The following CDH7 variants were observed in gnomAD, a reference collection of about 807,000 sequenced individuals.
CDH7 encodes cadherin 7, also known as cadherin-7.
CDH7 carries 25 observed loss-of-function variants against 71.8 expected under a neutral mutation model. The ratio of observed to expected loss-of-function variants is 0.35; its 90% CI spans 0.25 to 0.49. CDH7 has a LOEUF of 0.49. Ranked by LOEUF, CDH7 falls within the 20% of genes least tolerant of loss-of-function variation. The probability of loss-of-function intolerance (pLI) is 0.99; values close to 1 mark genes in which losing one functional copy is unlikely to be tolerated. For synonymous variants in CDH7, 381 were observed against 363.8 expected (o/e 1.05, Z -0.54); for missense variants, 862 against 974.6 (o/e 0.88, Z 1.54).
At chr18:65,813,356 A>C (rs1911610091) in intron 3 of CDH7, among the ~76,000 whole-genome samples, 1 of 152,170 alleles carries the variant, frequency 6.6e-6, no homozygotes, top group Admixed American at 6.5e-5. Context: ...AAATAAAATA[A>C]AAACTTCAGG....
At chr18:65,867,894 T>C (rs1195998992) in intron 11 of CDH7, among the ~76,000 whole-genome samples, 2 of 152,244 alleles carry the variant, frequency 1.3e-5, no homozygotes, top group Non-Finnish European at 2.9e-5. Context: ...ATGTCTATGA[T>C]GGTCAGCTTG....
At position 65,881,127 on chromosome 18, in the gene CDH7, G is replaced by T; in HGVS notation, c.*233G>T. On this transcript the variant is annotated 3_prime_UTR_variant, in exon 12 of 12. Transcript: ENST00000397968. ...TGACCACAGACTCTGAGCATTTGAA[G>T]GTTTTTTGATAAAAATAAATGCTCA... 1 of 386,832 alleles carries T rather than the reference G, an allele frequency of 2.6e-6. No individual in the cohort carries two copies. Among genetic ancestry groups the T allele is most frequent in the Non-Finnish European group, 4.6e-6 (1 of 219,390 alleles). The allele number at this position is 386,832 out of a possible 1,614,324, so 24.0% of individuals were successfully genotyped here.
At chr18:65,801,118 T>G (rs1035100411) in intron 2 of CDH7, among the ~76,000 whole-genome samples, 1 of 152,190 alleles carries the variant, frequency 6.6e-6, no homozygotes, top group East Asian at 1.9e-4. Flanking sequence ...GGGGGTTACT[T>G]GATTCAAGAC....
At chr18:65,784,394 G>A (rs1910435790) in intron 2 of CDH7, among the ~76,000 whole-genome samples, 1 of 152,130 alleles carries the variant, frequency 6.6e-6, no homozygotes, top group Non-Finnish European at 1.5e-5. Context: ...AGACTCTGAA[G>A]CAGGAGTGGC....
chr18:65,787,253 A>G (rs1910549164), intron 2 of CDH7, among the ~76,000 whole-genome samples: 2 of 152,222 alleles, frequency 1.3e-5, no homozygotes, highest in Admixed American at 6.5e-5. Context: ...CAAATTATGC[A>G]ACATACATTC....
intron 10 of CDH7, among the ~76,000 whole-genome samples, chr18:65,860,985 T>G (rs1186259890): frequency 6.6e-6 from 1 of 152,180 alleles, no homozygotes; most frequent in East Asian, 1.9e-4. Flanking sequence ...AGAAGGATAA[T>G]TCTCAGCATT....
rs941976371 is a variant in CDH7 at position 65,762,679 on chromosome 18, T to C, written c.-164T>C. 3.5e-5 allele frequency: 21 copies of C among 599,396 alleles called. No homozygotes were observed. The African/African-American group carries it at 3.5e-4, about 10-fold the overall frequency. 37.1% of individuals were successfully genotyped at this position (599,396 alleles called of 1,614,324 possible). The stretch of plus-strand genomic sequence containing the variant: ...CTACACCATTCTTTGGCGAAGGCTA[T>C]TCAGCAGTGGTGACCTCTTCCAATC... On this transcript the variant is annotated 5_prime_UTR_variant, in exon 2 of 12. Coordinates refer to ENST00000397968, the MANE Select transcript of CDH7 (RefSeq NM_004361.5).
At chr18:65,799,044 A>G (rs574475148) in intron 2 of CDH7, among the ~76,000 whole-genome samples, 3 of 152,164 alleles carry the variant, frequency 2.0e-5, no homozygotes, top group African/African-American at 7.2e-5. Flanking sequence ...CCAGGTTGCA[A>G]GTGGTACTCA....
chr18:65,860,078 C>T (rs1384736265), intron 10 of CDH7, among the ~76,000 whole-genome samples: 4 of 151,990 alleles, frequency 2.6e-5, no homozygotes, highest in Admixed American at 6.6e-5. Flanking sequence ...TATAAGCACT[C>T]GTTTTCTTAT....
chr18:65,836,135 T>C (rs1912525106), intron 6 of CDH7, among the ~76,000 whole-genome samples: 1 of 152,218 alleles, frequency 6.6e-6, no homozygotes. Context: ...AATGAAGCTC[T>C]GCCAACACCT....
intron 2 of CDH7, among the ~76,000 whole-genome samples, chr18:65,777,950 A>G (rs931613492): frequency 7.9e-5 from 12 of 152,128 alleles, no homozygotes; most frequent in African/African-American, 2.4e-4. Flanking sequence ...TGCTAAGGAT[A>G]CCTGTGTCTA....
chr18:65,880,896 C>T lies in CDH7; in HGVS notation c.*2C>T. ...GGCCAAGAGAGTTTGTACTCATAGCCTTGGAACCTTAATTCGAAATGTACT... is the reference window on the plus strand; with the variant it reads ...GGCCAAGAGAGTTTGTACTCATAGCTTTGGAACCTTAATTCGAAATGTACT... On this transcript the variant is annotated 3_prime_UTR_variant, in exon 12 of 12. Transcript: ENST00000397968. 4 of 1,573,280 alleles carry T rather than the reference C, an allele frequency of 2.5e-6. No individual in the cohort carries two copies. Among genetic ancestry groups the T allele is most frequent in the Non-Finnish European group, 3.4e-6 (4 of 1,162,752 alleles).
intron 2 of CDH7, among the ~76,000 whole-genome samples, chr18:65,786,294 T>C (rs1421712774): frequency 6.6e-6 from 1 of 152,088 alleles, no homozygotes; most frequent in African/African-American, 2.4e-5. Flanking sequence ...AGGGTAGATA[T>C]GAGTTTTGTG....
intron 11 of CDH7, 50 bp downstream of exon 11, chr18:65,862,967 CAT>C: frequency 6.3e-7 from 1 of 1,575,670 alleles, no homozygotes; most frequent in Non-Finnish European, 8.7e-7. Flanking sequence ...ACAATAACCA[CAT>C]GTCACGACTT....
At chr18:65,772,679 A>G (rs1916581684) in intron 2 of CDH7, among the ~76,000 whole-genome samples, 1 of 152,190 alleles carries the variant, frequency 6.6e-6, no homozygotes, top group South Asian at 2.1e-4. Flanking sequence ...ACTGCACTAT[A>G]GGACATAGAC....
In CDH7 at chr18:65,826,185, GTCATCTAAA is replaced by G. The variant is rs1912122669; in HGVS notation, c.981+1355_981+1363del. Among the ~76,000 whole-genome samples the G allele has an allele frequency of 2.6e-5, 4 of 151,364 alleles. No homozygotes were observed. In the South Asian group the frequency reaches 8.3e-4, roughly 31 times the overall value. On this transcript the variant is annotated intron_variant, in intron 6 of 11. Transcript: ENST00000397968. ...CAAAAAAACCTAGATTAAAAATTAT[GTCATCTAAA>G]AGCATAAAACTCATTAAAAAATTGC...
chr18:65,785,609 A>T (rs1368609379), intron 2 of CDH7, among the ~76,000 whole-genome samples: 2 of 152,076 alleles, frequency 1.3e-5, no homozygotes, highest in Non-Finnish European at 2.9e-5. Context: ...AAAAAGAAAA[A>T]AAAACTAAGT....
chr18:65,825,698 A>G (rs116054510), intron 6 of CDH7, among the ~76,000 whole-genome samples: 1,605 of 151,956 alleles, frequency 0.011, 23 homozygotes, highest in African/African-American at 0.037. Context: ...GCACATATCA[A>G]TAAAAAAAGT....
chr18:65,785,856 C>T (rs1171866780), intron 2 of CDH7, among the ~76,000 whole-genome samples: 1 of 152,036 alleles, frequency 6.6e-6, no homozygotes. Context: ...TTAAACTTTT[C>T]AACATAAGAA....
Sources: allele counts gnomAD v4.1 joint callset (sites outside exome capture counted in the v4.1 genomes callset), GRCh38; gene constraint gnomAD v4.1.1; transcripts MANE v1.5; gene names NCBI Gene and HGNC (gene_info 2026-07-23, HGNC 2026-07-21).